Variants in FAF2 observed in about 807,000 individuals in gnomAD.
The protein encoded by FAF2 is FAS-associated factor 2.
A neutral mutation model predicts 62.3 loss-of-function variants in FAF2; 9 were observed. That is an observed-to-expected ratio of 0.14 (90% CI 0.09 to 0.25). The LOEUF is 0.25. Ranked by LOEUF, FAF2 falls within the 10% of genes least tolerant of loss-of-function variation. The pLI is 1.00. For synonymous variants in FAF2, 202 were observed against 198.0 expected, an observed-to-expected ratio of 1.02 and a Z score of -0.17; for missense variants, 368 against 556.2, an observed-to-expected ratio of 0.66 and a Z score of 3.40.
rs747378374 is a variant in FAF2 at position 176,507,347 on chromosome 5, A to G, written c.*397A>G. ...AAATAAAAGTGAAAAACCTCCATCA[A>G]CCAGCTACTTGCAGCATCTCCTGAG... On this transcript the variant is annotated 3_prime_UTR_variant, in exon 11 of 11. Coordinates refer to ENST00000261942, the MANE Select transcript of FAF2 (RefSeq NM_014613.3). The G allele has an allele frequency of 2.0e-5, 9 of 453,466 alleles. No individual in the cohort carries two copies. Among genetic ancestry groups the G allele is most frequent in the South Asian group, 1.1e-4 (7 of 63,886 alleles). 28.1% of individuals were successfully genotyped at this position (453,466 alleles called of 1,614,324 possible).
intron 1 of FAF2, among the ~76,000 whole-genome samples, chr5:176,468,089 C>T (rs1252271560): frequency 6.6e-6 from 1 of 152,116 alleles, no homozygotes; most frequent in Non-Finnish European, 1.5e-5. Context: ...CACTTGAACC[C>T]TGGAAGCGGA....
At chr5:176,462,763 C>T (rs1255501895) in intron 1 of FAF2, among the ~76,000 whole-genome samples, 3 of 152,194 alleles carry the variant, frequency 2.0e-5, no homozygotes, top group East Asian at 1.9e-4. Context: ...AATATATACA[C>T]ATCTTATGCA....
chr5:176,504,285 A>G (rs750874712), intron 10 of FAF2, among the ~76,000 whole-genome samples: 1 of 151,808 alleles, frequency 6.6e-6, no homozygotes, highest in Non-Finnish European at 1.5e-5. Flanking sequence ...AGACCAGCCT[A>G]ATGAAACCCT....
intron 10 of FAF2, among the ~76,000 whole-genome samples, chr5:176,504,768 A>C (rs1292296581): frequency 6.6e-6 from 1 of 152,176 alleles, no homozygotes; most frequent in African/African-American, 2.4e-5. Context: ...AATGGATTAG[A>C]CAAGAGGAAC....
chr5:176,487,565 G>A (rs1446064101), intron 3 of FAF2, among the ~76,000 whole-genome samples: 1 of 152,116 alleles, frequency 6.6e-6, no homozygotes, highest in African/African-American at 2.4e-5. Flanking sequence ...TCAGCCATGG[G>A]GCTCCAGAGC....
At chr5:176,477,153 G>C (rs1487435926) in intron 1 of FAF2, among the ~76,000 whole-genome samples, 1 of 127,312 alleles carries the variant, frequency 7.9e-6, no homozygotes, top group East Asian at 2.4e-4. Context: ...CACTGTGTTA[G>C]CCAGGATGGT....
chr5:176,450,208 A>G (rs1334387567), intron 1 of FAF2, among the ~76,000 whole-genome samples: 1 of 152,208 alleles, frequency 6.6e-6, no homozygotes, highest in Non-Finnish European at 1.5e-5. Flanking sequence ...GGAAGTGTAT[A>G]AATGGAAAAA....
Position 176,488,623 on chromosome 5 carries a change from G to A in FAF2, c.268-328G>A, listed in dbSNP as rs183923558. Among the ~76,000 whole-genome samples the A allele has an allele frequency of 3.6e-4, 53 of 148,720 alleles. No homozygotes were observed. In the East Asian group the frequency reaches 7.4e-3, roughly 21 times the overall value. ...TTTTTAGTAGAGATGGGATTTCACC[G>A]TGTTGGCCAGGCTGGTCTCAAACTC... On this transcript the variant is annotated intron_variant, in intron 3 of 10. Transcript: ENST00000261942.
intron 1 of FAF2, among the ~76,000 whole-genome samples, chr5:176,467,118 T>C (rs369730741): frequency 0.012 from 1,635 of 136,772 alleles, 40 homozygotes; most frequent in African/African-American, 0.04. Flanking sequence ...CCAATGGCTG[T>C]TTTTTTTTTC....
At chr5:176,453,844 A>C (rs1335963830) in intron 1 of FAF2, 2 of 151,778 alleles carry the variant, frequency 1.3e-5, no homozygotes, top group African/African-American at 4.8e-5. Context: ...TCACGAGGTC[A>C]GGAGTTCAAG....
chr5:176,463,722 A>G (rs111447770), intron 1 of FAF2, among the ~76,000 whole-genome samples: 5 of 144,496 alleles, frequency 3.5e-5, no homozygotes, highest in African/African-American at 1.0e-4. Flanking sequence ...GGGTTATTGC[A>G]TGTTTTTTTT....
At chr5:176,461,911 G>A (rs2113720105) in intron 1 of FAF2, among the ~76,000 whole-genome samples, 1 of 152,240 alleles carries the variant, frequency 6.6e-6, no homozygotes, top group African/African-American at 2.4e-5. Flanking sequence ...AGGTTTTCTT[G>A]TAGGATTTTT....
At chr5:176,469,958 G>C (rs755316600) in intron 1 of FAF2, among the ~76,000 whole-genome samples, 9 of 152,180 alleles carry the variant, frequency 5.9e-5, no homozygotes, top group Non-Finnish European at 1.0e-4. Flanking sequence ...CTTGTATGTA[G>C]TGATGTGAGA....
intron 4 of FAF2, among the ~76,000 whole-genome samples, chr5:176,490,326 AAAAAG>A (rs1231551756): frequency 5.9e-4 from 88 of 147,966 alleles, no homozygotes; most frequent in African/African-American, 2.0e-3. Flanking sequence ...AAAAAAAAAG[AAAAAG>A]AAAAGAAAAT....
At chr5:176,496,112 A>T (rs1031494094) in intron 7 of FAF2, among the ~76,000 whole-genome samples, 1 of 152,184 alleles carries the variant, frequency 6.6e-6, no homozygotes, top group Non-Finnish European at 1.5e-5. Flanking sequence ...CACCGCCACC[A>T]GGAAAGCCTG....
chr5:176,487,055 C>A (rs550333241), intron 3 of FAF2, among the ~76,000 whole-genome samples: 3 of 152,170 alleles, frequency 2.0e-5, no homozygotes, highest in Admixed American at 6.5e-5. Context: ...TTTTTCTTAC[C>A]CCTGGGGTTA....
At chr5:176,461,193 T>C (rs1011886119) in intron 1 of FAF2, among the ~76,000 whole-genome samples, 2 of 151,898 alleles carry the variant, frequency 1.3e-5, no homozygotes, top group African/African-American at 4.8e-5. Context: ...TTTGTATTTT[T>C]AGTAGAGACA....
At chr5:176,480,498 T>C (rs1036546347) in intron 2 of FAF2, among the ~76,000 whole-genome samples, 25 of 152,090 alleles carry the variant, frequency 1.6e-4, no homozygotes, top group Non-Finnish European at 8.8e-5. Context: ...CTACAGCCTT[T>C]GACTTCTGGG....
At chr5:176,462,489 T>C (rs1378933364) in intron 1 of FAF2, among the ~76,000 whole-genome samples, 1 of 151,748 alleles carries the variant, frequency 6.6e-6, no homozygotes, top group Non-Finnish European at 1.5e-5. Flanking sequence ...CCGGGCGTGG[T>C]GGCGCATGTC....
Sources: allele counts gnomAD v4.1 joint callset (sites outside exome capture counted in the v4.1 genomes callset), GRCh38; gene constraint gnomAD v4.1.1; transcripts MANE v1.5; gene names NCBI Gene and HGNC (gene_info 2026-07-23, HGNC 2026-07-21).